Variants in EPB41L1 observed in about 807,000 individuals in gnomAD.
EPB41L1 encodes band 4.1-like protein 1.
Under a neutral mutation model 97.8 loss-of-function variants are expected in EPB41L1, and 29 were observed. The ratio of observed to expected loss-of-function variants is 0.30; its 90% CI spans 0.22 to 0.40. The LOEUF is 0.40. EPB41L1 is among the 10% of genes least tolerant of loss of function. The pLI is 1.00. For synonymous variants in EPB41L1, 383 were observed against 459.2 expected (o/e 0.83, Z 2.12); for missense variants, 812 against 1,162.3 (o/e 0.70, Z 4.38).
chr20:36,184,932 T>A (rs1414553712), intron 6 of EPB41L1, among the ~76,000 whole-genome samples, 185 bp from the exon 7 acceptor site: 2 of 152,232 alleles, frequency 1.3e-5, no homozygotes, highest in Admixed American at 6.5e-5. Context: ...ATGCTTAAAG[T>A]CATGTGAAAT....
intron 3 of EPB41L1, among the ~76,000 whole-genome samples, chr20:36,176,557 G>T (rs1224408556): frequency 6.6e-6 from 1 of 152,128 alleles, no homozygotes; most frequent in African/African-American, 2.4e-5. Flanking sequence ...TGAGCCCTGG[G>T]AGGCTGAGTC....
chr20:36,207,092 C>T lies in EPB41L1; in HGVS notation c.1669-2396C>T. 7.8e-7 allele frequency: 1 copy of T among 1,289,124 alleles called. No homozygotes were observed. Among genetic ancestry groups the T allele is most frequent in the Non-Finnish European group, 1.0e-6 (1 of 988,354 alleles). 79.9% of individuals were successfully genotyped at this position (1,289,124 alleles called of 1,614,324 possible). A position where few individuals can be genotyped will look rare whatever the true frequency, so the allele number is the denominator to read the frequency against. On this transcript the variant is annotated intron_variant, in intron 14 of 21. Transcript: ENST00000338074. The surrounding 1 kb of genome is among the most constrained non-coding windows in gnomAD (Gnocchi z 4.9). Reference sequence around the variant, plus strand: ...ATGGAGGTGATCATTCCCCTGCCAGCCTCCCCTGGTCATTCTGAGGACCTG... The same window carrying T: ...ATGGAGGTGATCATTCCCCTGCCAGTCTCCCCTGGTCATTCTGAGGACCTG...
chr20:36,211,197 A>C (rs1436899302), intron 15 of EPB41L1, among the ~76,000 whole-genome samples: 2 of 149,368 alleles, frequency 1.3e-5, no homozygotes, highest in African/African-American at 2.5e-5. Flanking sequence ...GACCACCCTG[A>C]CCAACATGGT....
intron 2 of EPB41L1, among the ~76,000 whole-genome samples, chr20:36,120,543 C>G (rs1280240413): frequency 6.6e-6 from 1 of 152,170 alleles, no homozygotes; most frequent in Non-Finnish European, 1.5e-5. Context: ...AACCGTGTCC[C>G]TGTCTGTTTG....
chr20:36,099,666 A>G (rs1009795264), intron 1 of EPB41L1, among the ~76,000 whole-genome samples: 1 of 152,060 alleles, frequency 6.6e-6, no homozygotes, highest in African/African-American at 2.4e-5. Context: ...GACCTTAGAG[A>G]TGGTCCTTGC....
rs1202397604 is a variant in EPB41L1 at position 36,092,164 on chromosome 20, G to A, written c.-65+552G>A. Among the ~76,000 whole-genome samples the A allele has an allele frequency of 6.6e-6, 1 of 152,228 alleles. No individual in the cohort carries two copies. Among genetic ancestry groups the A allele is most frequent in the Non-Finnish European group, 1.5e-5 (1 of 68,042 alleles). On this transcript the variant is annotated intron_variant, in intron 1 of 19. Coordinates refer to the EPB41L1 transcript ENST00000202028. The surrounding 1 kb of genome is among the most constrained non-coding windows in gnomAD (Gnocchi z 7.0). ...GAGCGCGGCGTGGAAAAGGGTGGGC[G>A]TGGGCCAGGTCCTGGCTGGAGGTAG...
chr20:36,124,584 T>C (rs2058887640), intron 2 of EPB41L1, among the ~76,000 whole-genome samples: 1 of 152,214 alleles, frequency 6.6e-6, no homozygotes, highest in African/African-American at 2.4e-5. Flanking sequence ...CCTTGGCTCC[T>C]TCTTATCCTC....
upstream of EPB41L1, chr20:36,154,647 G>T: frequency 1.0e-6 from 1 of 965,612 alleles, no homozygotes; most frequent in Non-Finnish European, 1.2e-6. This position sits in a 1 kb window ranked among gnomAD's most constrained non-coding sequence, Gnocchi z 5.5. Flanking sequence ...GGGGGCGGGG[G>T]CTGGCCGCGC....
At chr20:36,102,127 G>C (rs1324879112) in intron 1 of EPB41L1, among the ~76,000 whole-genome samples, 1 of 147,844 alleles carries the variant, frequency 6.8e-6, no homozygotes, top group Non-Finnish European at 1.5e-5. Context: ...GGGGGTGGGC[G>C]TCAGATCCGA....
chr20:36,106,405 AG>A lies in EPB41L1; in HGVS notation c.-64-6018del, dbSNP rs1009283685. 5.8e-4 allele frequency among the ~76,000 whole-genome samples: 89 copies of A among 152,236 alleles called. 1 individual carries two copies. The highest frequency in any genetic ancestry group is 2.2e-4 in the Non-Finnish European group (15 of 68,040). The stretch of plus-strand genomic sequence containing the variant: ...CTGCCAAAGTTTAGGGACAGAGCTC[AG>A]GGTTCCAAGTCAGCAGGCCTAGTCA... On this transcript the variant is annotated intron_variant, in intron 1 of 19. Transcript: ENST00000202028.
intron 2 of EPB41L1, among the ~76,000 whole-genome samples, chr20:36,118,503 A>G (rs1569048407): frequency 6.6e-6 from 1 of 152,156 alleles, no homozygotes; most frequent in Non-Finnish European, 1.5e-5. Context: ...CCAGGTTCCT[A>G]AGGAGCATTG....
chr20:36,195,782 G>A lies in EPB41L1; in HGVS notation c.1485+418G>A, dbSNP rs543170959. On this transcript the variant is annotated intron_variant, in intron 13 of 21. Transcript: ENST00000338074. This position sits in a 1 kb window ranked among gnomAD's most constrained non-coding sequence, Gnocchi z 4.6. ...CTGCCCGACAGCACTGTTTGGTCTC[G>A]CCTCCATCTCGTCTGTGTCCCCTGT... 2.3e-4 allele frequency among the ~76,000 whole-genome samples: 35 copies of A among 152,076 alleles called. No homozygotes were observed. The highest frequency in any genetic ancestry group is 7.7e-4 in the African/African-American group (32 of 41,480).
chr20:36,126,925 A>G (rs1199510918), intron 2 of EPB41L1, among the ~76,000 whole-genome samples: 1 of 152,234 alleles, frequency 6.6e-6, no homozygotes, highest in Non-Finnish European at 1.5e-5. Flanking sequence ...CAGGCACCTC[A>G]CTGGCAGCTA....
chr20:36,159,968 A>G (rs887259539), intron 1 of EPB41L1, among the ~76,000 whole-genome samples: 1 of 152,230 alleles, frequency 6.6e-6, no homozygotes, highest in African/African-American at 2.4e-5. Context: ...GCATGTAAAC[A>G]TCTTGGCATG....
chr20:36,145,753 T>C (rs1229297540), intron 2 of EPB41L1, among the ~76,000 whole-genome samples: 1 of 152,260 alleles, frequency 6.6e-6, no homozygotes, highest in Non-Finnish European at 1.5e-5. Context: ...CACATGTGGC[T>C]ATGAGTTTTA....
intron 21 of EPB41L1, among the ~76,000 whole-genome samples, chr20:36,224,263 A>T (rs963729024): frequency 1.3e-5 from 2 of 152,170 alleles, no homozygotes; most frequent in Non-Finnish European, 2.9e-5. Context: ...AATTTAATAT[A>T]AAAAAAGTAA....
At chr20:36,105,440 C>T (rs889749471) in intron 1 of EPB41L1, among the ~76,000 whole-genome samples, 5 of 152,154 alleles carry the variant, frequency 3.3e-5, no homozygotes, top group African/African-American at 9.7e-5. Flanking sequence ...TCTTTTGCTT[C>T]CTTTCACTTC....
intron 1 of EPB41L1, among the ~76,000 whole-genome samples, chr20:36,167,737 A>G (rs1021910383): frequency 6.6e-6 from 1 of 151,014 alleles, no homozygotes; most frequent in African/African-American, 2.4e-5. Flanking sequence ...AATAATAACA[A>G]TAATAATAAA....
intron 2 of EPB41L1, among the ~76,000 whole-genome samples, chr20:36,174,199 C>T (rs1331747386): frequency 6.6e-6 from 1 of 152,112 alleles, no homozygotes; most frequent in African/African-American, 2.4e-5. Flanking sequence ...GCAATCCTCC[C>T]GCCTCAGCCT....
Sources: allele counts gnomAD v4.1 joint callset (sites outside exome capture counted in the v4.1 genomes callset), GRCh38; gene constraint gnomAD v4.1.1; non-coding constraint Gnocchi (gnomAD v3.1); transcripts MANE v1.5; gene names NCBI Gene and HGNC (gene_info 2026-07-23, HGNC 2026-07-21).